The following HTR1D variants were observed in gnomAD, a reference collection of about 807,000 sequenced individuals.
HTR1D encodes the protein 5-hydroxytryptamine receptor 1D.
A neutral mutation model predicts 21.1 loss-of-function variants in HTR1D; 18 were observed. The ratio of observed to expected loss-of-function variants is 0.85; its 90% CI spans 0.59 to 1.27. HTR1D has a LOEUF of 1.27. Among genes scored for constraint, HTR1D ranks in the 50% most tolerant of loss-of-function variants. HTR1D has a pLI of 0.00. For synonymous variants in HTR1D, 196 were observed against 204.4 expected (o/e 0.96, Z 0.35); for missense variants, 456 against 481.4 (o/e 0.95, Z 0.49).
At chr1:23,214,521 C>T (rs535650594) in intron 1 of HTR1D, among the ~76,000 whole-genome samples, 1 of 152,222 alleles carries the variant, frequency 6.6e-6, no homozygotes, top group Admixed American at 6.5e-5. Context: ...GCTTACAAGG[C>T]CCTACGTGAT....
chr1:23,199,415 CTTTTTTTTTTTTTT>C (rs71020483), intron 1 of HTR1D, among the ~76,000 whole-genome samples: 67 of 46,326 alleles, frequency 1.4e-3, no homozygotes, highest in South Asian at 3.3e-3. Flanking sequence ...CATGTGTGGT[CTTTTTTTTTTTTTT>C]TTTTTTTTTT....
At chr1:23,213,040 G>T (rs956328424) in intron 1 of HTR1D, among the ~76,000 whole-genome samples, 45 of 151,934 alleles carry the variant, frequency 3.0e-4, no homozygotes, top group African/African-American at 1.1e-3. Context: ...TGGCCAGGCT[G>T]GTCTCGAACT....
chr1:23,197,350 A>G (rs527972418), intron 1 of HTR1D, among the ~76,000 whole-genome samples: 2 of 152,254 alleles, frequency 1.3e-5, no homozygotes, highest in African/African-American at 4.8e-5. Context: ...AAGGTAGGAG[A>G]ATTTCTCATA....
chr1:23,209,497 G>A (rs75180762), intron 1 of HTR1D, among the ~76,000 whole-genome samples: 5 of 151,534 alleles, frequency 3.3e-5, no homozygotes, highest in African/African-American at 7.3e-5. Context: ...GGGACAGTAG[G>A]GGGGGAGGGC....
At chr1:23,202,457 C>T (rs1228450315) in intron 1 of HTR1D, among the ~76,000 whole-genome samples, 1 of 152,308 alleles carries the variant, frequency 6.6e-6, no homozygotes, top group East Asian at 1.9e-4. Context: ...ATCCAGGGCT[C>T]ATTCAGCCTG....
rs1438005815 is a variant in HTR1D at position 23,217,473 on chromosome 1, C to T, written c.-965G>A. On this transcript the variant is annotated 5_prime_UTR_variant, in exon 1 of 2. Coordinates refer to ENST00000374619, the MANE Select transcript of HTR1D (RefSeq NM_000864.5). The surrounding 1 kb of genome is among the most constrained non-coding windows in gnomAD (Gnocchi z 4.6). The stretch of plus-strand genomic sequence containing the variant: ...CCTCGCGATCCCGCACCTGCCTCCG[C>T]CTCTCCCAGAGCCCTGCGGCTCCTT... 6.6e-6 allele frequency among the ~76,000 whole-genome samples: 1 copy of T among 152,078 alleles called. No homozygotes were observed. Among genetic ancestry groups the T allele is most frequent in the Non-Finnish European group, 1.5e-5 (1 of 67,976 alleles).
At chr1:23,213,805 C>T (rs1224971968) in intron 1 of HTR1D, among the ~76,000 whole-genome samples, 2 of 152,150 alleles carry the variant, frequency 1.3e-5, no homozygotes, top group Admixed American at 6.5e-5. Flanking sequence ...GCAGTTTGCC[C>T]ACCTGGGCTT....
rs1434101876 is a variant in HTR1D at position 23,192,131 on chromosome 1, G to T, written c.*955C>A. ...AAGATGGCGCAGGCATATTGGGGAA[G>T]AAGGAAGGGTACAGGGTAGTCAATC... On this transcript the variant is annotated 3_prime_UTR_variant, in exon 2 of 2. Transcript: ENST00000374619. 6.6e-6 allele frequency: 1 copy of T among 152,112 alleles called. No individual in the cohort carries two copies. Among genetic ancestry groups the T allele is most frequent in the Non-Finnish European group, 1.5e-5 (1 of 68,046 alleles). 9.4% of individuals were successfully genotyped at this position (152,112 alleles called of 1,614,324 possible).
chr1:23,210,879 C>A (rs1173233118), intron 1 of HTR1D, among the ~76,000 whole-genome samples: 2 of 152,080 alleles, frequency 1.3e-5, no homozygotes, highest in African/African-American at 4.8e-5. Flanking sequence ...ATGCTGCACA[C>A]CTGGGTCCGC....
At chr1:23,215,091 G>T (rs1448757342) in intron 1 of HTR1D, among the ~76,000 whole-genome samples, 1 of 152,144 alleles carries the variant, frequency 6.6e-6, no homozygotes, top group Non-Finnish European at 1.5e-5. Flanking sequence ...AGAAGAAACA[G>T]TCAGCAGTGT....
At chr1:23,207,332 C>T (rs533132263) in intron 1 of HTR1D, among the ~76,000 whole-genome samples, 4 of 152,202 alleles carry the variant, frequency 2.6e-5, no homozygotes, top group African/African-American at 9.6e-5. Flanking sequence ...TCGCTTGAAC[C>T]CAGGAGGCAG....
In HTR1D at chr1:23,193,640, G is replaced by C; in HGVS notation, c.580C>G (p.Gln194Glu). The change falls in exon 2 of 2, where the codon CAG becomes GAG. Residue 194 changes from glutamine (Q) to glutamate (E), a missense_variant. By Grantham distance (29) the Gln-to-Glu change is conservative. Transcript: ENST00000374619. The part of the protein sequence containing the change: ...EMSDCLVNTS[Q>E]ISYTIYSTCG... Reference sequence around the variant, plus strand: ...GTGGAGTAGATGGTGTAGGAGATCTGAGAGGTGTTCACCAGACAGTCCGAC... The same window carrying C: ...GTGGAGTAGATGGTGTAGGAGATCTCAGAGGTGTTCACCAGACAGTCCGAC... 1.2e-6 allele frequency: 2 copies of C among 1,613,904 alleles called. No homozygotes were observed. Among genetic ancestry groups the C allele is most frequent in the Non-Finnish European group, 1.7e-6 (2 of 1,179,904 alleles).
intron 1 of HTR1D, among the ~76,000 whole-genome samples, chr1:23,211,711 G>A (rs1375465142): frequency 6.6e-6 from 1 of 151,882 alleles, no homozygotes; most frequent in Non-Finnish European, 1.5e-5. Flanking sequence ...GCCTAGGCTG[G>A]AGTACAGTGG....
At position 23,193,093 on chromosome 1, in the gene HTR1D, G is replaced by A. The variant is rs753623171; in HGVS notation, c.1127C>T (p.Ala376Val). The A allele has an allele frequency of 5.9e-5, 95 of 1,604,910 alleles. No homozygotes were observed. The highest frequency in any genetic ancestry group is 7.2e-5 in the Non-Finnish European group (85 of 1,174,596). ...AFQKIVPFRK[A>V]S Reference sequence around the variant, plus strand: ...AGTCATCACCGAATAAGACTAGGAGGCCTTCCGGAAAGGGACAATTTTCTG... The same window carrying A: ...AGTCATCACCGAATAAGACTAGGAGACCTTCCGGAAAGGGACAATTTTCTG... The change falls in exon 2 of 2, where the codon GCC becomes GTC. Residue 376 changes from alanine to valine, a missense_variant. Physicochemically the swap from Ala to Val is moderately conservative, Grantham distance 64. Coordinates refer to ENST00000374619, the MANE Select transcript of HTR1D (RefSeq NM_000864.5).
chr1:23,194,103 G>T lies in HTR1D; in HGVS notation c.117C>A (p.Ile39=), dbSNP rs200915388. Residue 39 remains isoleucine, a synonymous_variant, in exon 2 of 2, where the codon ATC becomes ATA. Coordinates refer to ENST00000374619, the MANE Select transcript of HTR1D (RefSeq NM_000864.5). ...WDPRTLQALK[I]SLAVVLSVIT... ...TGACGGAAAGGACCACGGCAAGGGA[G>T]ATCTTGAGCGCCTGGAGGGTCCTGG... 1 of 1,614,170 alleles carries T rather than the reference G, an allele frequency of 6.2e-7. No individual in the cohort carries two copies. The highest frequency in any genetic ancestry group is 2.2e-5 in the East Asian group (1 of 44,874).
chr1:23,195,422 T>A (rs1398869988), intron 1 of HTR1D, among the ~76,000 whole-genome samples: 1 of 152,100 alleles, frequency 6.6e-6, no homozygotes, highest in Non-Finnish European at 1.5e-5. Flanking sequence ...ATTTTCCAAA[T>A]GTCCTATAGT....
chr1:23,193,600 T>A lies in HTR1D; in HGVS notation c.620A>T (p.Tyr207Phe). 1.2e-6 allele frequency: 2 copies of A among 1,614,046 alleles called. No individual in the cohort carries two copies. Among genetic ancestry groups the A allele is most frequent in the Non-Finnish European group, 1.7e-6 (2 of 1,179,966 alleles). ...GATGATGAGCAACACCGAGGGAATGTAGAAGGCCCCACAGGTGGAGTAGAT... is the reference window on the plus strand; with the variant it reads ...GATGATGAGCAACACCGAGGGAATGAAGAAGGCCCCACAGGTGGAGTAGAT... ...YTIYSTCGAFYIPSVLLIILY... is the reference protein window; with the variant it reads ...YTIYSTCGAFFIPSVLLIILY... Residue 207 changes from tyrosine to phenylalanine, a missense_variant, in exon 2 of 2, where the codon TAC (tyrosine) becomes TTC (phenylalanine). Transcript: ENST00000374619.
At position 23,197,676 on chromosome 1, in the gene HTR1D, T is replaced by C. The variant is rs186948864; in HGVS notation, c.-782-2675A>G. Among the ~76,000 whole-genome samples the C allele has an allele frequency of 6.3e-3, 947 of 150,622 alleles. 1 individual carries two copies. Among genetic ancestry groups the C allele is most frequent in the Non-Finnish European group, 0.011 (722 of 67,720 alleles). On this transcript the variant is annotated intron_variant, in intron 1 of 1. Coordinates refer to ENST00000374619, the MANE Select transcript of HTR1D (RefSeq NM_000864.5). ...GGCAGAGGTTGCAGTGAGCCAAGAT[T>C]GCACCATTGCACTCCAGCCTGGGCG...
At chr1:23,205,963 C>G (rs559792983) in intron 1 of HTR1D, among the ~76,000 whole-genome samples, 1 of 152,264 alleles carries the variant, frequency 6.6e-6, no homozygotes, top group African/African-American at 2.4e-5. Flanking sequence ...TGAAACCATC[C>G]TTCTTGGCTT....
Sources: gnomAD v4.1 joint callset for allele counts (sites outside exome capture counted in the v4.1 genomes callset) on GRCh38, gnomAD v4.1.1 for gene constraint, Gnocchi (gnomAD v3.1) non-coding constraint, MANE v1.5 for transcripts, NCBI Gene and HGNC (gene_info 2026-07-23, HGNC 2026-07-21) for gene names.